SHROOM4: variants seen among roughly 807,000 people sequenced by gnomAD.
SHROOM4 encodes the protein protein Shroom4.
Under a neutral mutation model 80.3 loss-of-function variants are expected in SHROOM4, and 17 were observed. The ratio of observed to expected loss-of-function variants is 0.21; its 90% CI spans 0.14 to 0.32. The LOEUF is 0.32. Ranked by LOEUF, SHROOM4 falls within the 10% of genes least tolerant of loss-of-function variation. The pLI is 1.00. For synonymous variants in SHROOM4, 400 were observed against 437.5 expected (o/e 0.91, Z 1.07); for missense variants, 993 against 1,140.3 (o/e 0.87, Z 1.86).
At chrX:50,656,892 AT>A (rs1932331477) in intron 2 of SHROOM4, among the ~76,000 whole-genome samples, 2 of 110,311 alleles carry the variant, frequency 1.8e-5, no homozygotes, top group South Asian at 7.5e-4. Flanking sequence ...GAATATCTTT[AT>A]TTTTTATTTA....
chrX:50,667,840 C>T (rs1472822151), intron 2 of SHROOM4, among the ~76,000 whole-genome samples: 2 of 111,732 alleles, frequency 1.8e-5, no homozygotes, highest in East Asian at 2.8e-4. Flanking sequence ...TGAGAAGCAA[C>T]AACCTGGAAA....
Position 50,706,146 on chromosome X carries a change from A to G in SHROOM4, c.118-10209T>C, listed in dbSNP as rs945650702. 4.5e-5 allele frequency among the ~76,000 whole-genome samples: 5 copies of G among 110,643 alleles called. No homozygotes were observed. In the East Asian group the frequency reaches 1.4e-3, roughly 32 times the overall value. On this transcript the variant is annotated intron_variant, in intron 1 of 8. Coordinates refer to ENST00000376020, the MANE Select transcript of SHROOM4 (RefSeq NM_020717.5). The stretch of plus-strand genomic sequence containing the variant: ...AACATTCTTCTTCTAGATCCTACAT[A>G]CCTCCTTTTATCATTCAGGTGTCAG...
At position 50,635,083 on chromosome X, in the gene SHROOM4, C is replaced by T; in HGVS notation, c.990G>A (p.Gly330=). ...GGCCCTCACTTGTCACTTGGTCATGCCCACTGAGGCAACAGAACCTATTAG... is the reference window on the plus strand; with the variant it reads ...GGCCCTCACTTGTCACTTGGTCATGTCCACTGAGGCAACAGAACCTATTAG... ...RNPNRFCCLS[G]HDQVTSEGHQ... The change falls in exon 4 of 9, where the codon GGG becomes GGA. Residue 330 remains glycine, a synonymous_variant. Transcript: ENST00000376020. 1.7e-6 allele frequency: 2 copies of T among 1,211,834 alleles called. No homozygotes were observed. Among genetic ancestry groups the T allele is most frequent in the Non-Finnish European group, 1.1e-6 (1 of 895,411 alleles).
chrX:50,578,267 T>C, the SHROOM4 span, among the ~76,000 whole-genome samples: 8 of 112,375 alleles, frequency 7.1e-5, no homozygotes, highest in African/African-American at 2.6e-4. Context: ...TTTGAACCTA[T>C]AATTTTATAT....
chrX:50,624,657 G>A (rs1225208719), intron 5 of SHROOM4, among the ~76,000 whole-genome samples: 8 of 101,207 alleles, frequency 7.9e-5, no homozygotes, highest in Middle Eastern at 5.2e-3. Flanking sequence ...CTGTCACCCA[G>A]GATGGAATGC....
At chrX:50,618,819 T>G (rs1485129695) in intron 5 of SHROOM4, among the ~76,000 whole-genome samples, 1 of 112,263 alleles carries the variant, frequency 8.9e-6, no homozygotes, top group Non-Finnish European at 1.9e-5. Context: ...ATAAATCATT[T>G]TCCCAGCTAG....
intron 2 of SHROOM4, among the ~76,000 whole-genome samples, chrX:50,666,961 AAAGG>A (rs1319425160): frequency 8.9e-6 from 1 of 112,015 alleles, no homozygotes; most frequent in African/African-American, 3.2e-5. Flanking sequence ...ATCACAGAAA[AAAGG>A]AAGAATATAT....
intron 1 of SHROOM4, among the ~76,000 whole-genome samples, chrX:50,705,223 C>T (rs1243885196): frequency 1.4e-4 from 15 of 110,594 alleles, no homozygotes; most frequent in Admixed American, 6.7e-4. Flanking sequence ...CTCAACAAAA[C>T]GTGCCAAATA....
At chrX:50,795,061 TG>T (rs1285658586) in intron 1 of SHROOM4, among the ~76,000 whole-genome samples, 3 of 54,661 alleles carry the variant, frequency 5.5e-5, no homozygotes, top group African/African-American at 2.2e-4. Flanking sequence ...GATATATATA[TG>T]ATATATATAT....
chrX:50,807,905 C>T (rs963879542), intron 1 of SHROOM4, among the ~76,000 whole-genome samples: 7 of 111,375 alleles, frequency 6.3e-5, no homozygotes, highest in Non-Finnish European at 1.3e-4. Context: ...ATGACATGGC[C>T]GCCAGAAAGA....
chrX:50,813,260 C>A (rs1482772457), intron 1 of SHROOM4, among the ~76,000 whole-genome samples: 1 of 111,763 alleles, frequency 8.9e-6, no homozygotes, highest in Non-Finnish European at 1.9e-5. Context: ...CACTTCTCAA[C>A]GTGCAGGAAA....
At chrX:50,597,341 T>C (rs1016528424) in intron 8 of SHROOM4, among the ~76,000 whole-genome samples, 3 of 112,115 alleles carry the variant, frequency 2.7e-5, no homozygotes, top group Non-Finnish European at 5.6e-5. Context: ...TGTGTGTGTC[T>C]GTGTGAGTGG....
chrX:50,724,121 C>T (rs1330392914), intron 1 of SHROOM4, among the ~76,000 whole-genome samples: 3 of 111,064 alleles, frequency 2.7e-5, no homozygotes, highest in Admixed American at 9.7e-5. Context: ...CCCCGCTCAA[C>T]GCCAATATCC....
chrX:50,634,647 T>G lies in SHROOM4; in HGVS notation c.1426A>C (p.Lys476Gln). The G allele has an allele frequency of 8.3e-7, 1 of 1,211,833 alleles. No individual in the cohort carries two copies. Among genetic ancestry groups the G allele is most frequent in the African/African-American group, 1.7e-5 (1 of 57,799 alleles). ...GACCTGTCATCCACTTGTCTGGTCT[T>G]TCTTTCTTTGCTGGACTGGTCATGG... ...GTHDQSSKER[K>Q]TRQVDDRSLV... Residue 476 changes from lysine (K) to glutamine (Q), a missense_variant, in exon 4 of 9, where the codon AAG becomes CAG. Coordinates refer to ENST00000376020, the MANE Select transcript of SHROOM4 (RefSeq NM_020717.5).
chrX:50,688,980 G>T (rs782270109), intron 2 of SHROOM4, among the ~76,000 whole-genome samples: 1 of 111,200 alleles, frequency 9.0e-6, no homozygotes, highest in Non-Finnish European at 1.9e-5. Flanking sequence ...TGATCAAAAA[G>T]CAAAAAATCT....
chrX:50,763,555 C>A (rs1557269085), intron 1 of SHROOM4, among the ~76,000 whole-genome samples: 2 of 111,568 alleles, frequency 1.8e-5, no homozygotes. Flanking sequence ...TGGTGGTTTG[C>A]CTGGACTAAT....
At chrX:50,648,502 A>C (rs1049334569) in intron 2 of SHROOM4, among the ~76,000 whole-genome samples, 1 of 112,425 alleles carries the variant, frequency 8.9e-6, no homozygotes, top group Non-Finnish European at 1.9e-5. Flanking sequence ...CAAGGAATTA[A>C]GTGTGGTAGA....
chrX:50,793,913 G>C (rs1935906577), intron 1 of SHROOM4, among the ~76,000 whole-genome samples: 1 of 110,105 alleles, frequency 9.1e-6, no homozygotes, highest in Non-Finnish European at 1.9e-5. Flanking sequence ...GAAAAAAAAA[G>C]ATGTGTGGTT....
chrX:50,636,991 A>G (rs1931384984), intron 3 of SHROOM4, among the ~76,000 whole-genome samples: 1 of 111,580 alleles, frequency 9.0e-6, no homozygotes. Context: ...TCTCTTGATT[A>G]TTAGTTTTTG....
Sources: allele counts gnomAD v4.1 joint callset (sites outside exome capture counted in the v4.1 genomes callset), GRCh38; gene constraint gnomAD v4.1.1; transcripts MANE v1.5; gene names NCBI Gene and HGNC (gene_info 2026-07-23, HGNC 2026-07-21).